Variants in BRIP1 observed in about 807,000 individuals in gnomAD.
BRIP1 encodes the protein BRCA1 interacting DNA helicase 1.
A neutral mutation model predicts 119.7 loss-of-function variants in BRIP1; 88 were observed. The ratio of observed to expected loss-of-function variants is 0.74; its 90% CI spans 0.62 to 0.88. BRIP1 has a LOEUF of 0.88. Among genes scored for constraint, BRIP1 ranks in the 40% least tolerant of loss-of-function variants. BRIP1 has a pLI of 0.00. For synonymous variants in BRIP1, 443 were observed against 496.5 expected (o/e 0.89, Z 1.43); for missense variants, 1,259 against 1,455.4 (o/e 0.87, Z 2.20).
intron 14 of BRIP1, among the ~76,000 whole-genome samples, chr17:61,771,848 G>A (rs2077452904): frequency 6.6e-6 from 1 of 151,986 alleles, no homozygotes; most frequent in South Asian, 2.1e-4. Context: ...TGTAATCCCA[G>A]CTACTCGGGA....
intron 14 of BRIP1, among the ~76,000 whole-genome samples, chr17:61,773,248 CAAACCTGACAAAAACA>C (rs2077485556): frequency 6.6e-6 from 1 of 151,874 alleles, no homozygotes; most frequent in Admixed American, 6.6e-5. Context: ...AACTAATTGA[CAAACCTGACAAAAACA>C]AAACCTGACA....
chr17:61,732,530 C>A (rs1190936549), intron 16 of BRIP1, among the ~76,000 whole-genome samples: 4 of 152,084 alleles, frequency 2.6e-5, no homozygotes, highest in Admixed American at 6.5e-5. Context: ...TCCACCAAAG[C>A]ATCTTGTTAT....
chr17:61,691,671 G>T lies in BRIP1; in HGVS notation c.2575+1759C>A, dbSNP rs1191410503. Among the ~76,000 whole-genome samples, 2 of 152,286 alleles carry T rather than the reference G, an allele frequency of 1.3e-5. No individual in the cohort carries two copies. The highest frequency in any genetic ancestry group is 3.9e-4 in the East Asian group (2 of 5,184). On this transcript the variant is annotated intron_variant, in intron 18 of 19. Coordinates refer to ENST00000259008, the MANE Select transcript of BRIP1 (RefSeq NM_032043.3). This position sits in a 1 kb window ranked among gnomAD's most constrained non-coding sequence, Gnocchi z 5.0. ...GGGTTTCACCATGTTGGCCAGGCTG[G>T]TCTCAAACTCCTGACCTCGTGATCC...
In BRIP1 at chr17:61,823,850, CG is replaced by C. The variant is rs1191557204; in HGVS notation, c.628-15094del. Among the ~76,000 whole-genome samples the C allele has an allele frequency of 2.0e-5, 3 of 150,116 alleles. No individual in the cohort carries two copies. In the East Asian group the frequency reaches 5.9e-4, roughly 30 times the overall value. ...AAAAATAGAATTTTTTTTTTTGAGA[CG>C]GAGTTTCGCAGTTGTTGCCCAAAGT... On this transcript the variant is annotated intron_variant, in intron 6 of 19. Transcript: ENST00000259008. The surrounding 1 kb of genome is among the most constrained non-coding windows in gnomAD (Gnocchi z 4.8).
In BRIP1 at chr17:61,793,573, T is replaced by A. The variant is rs747488176; in HGVS notation, c.1473+24A>T. On this transcript the variant is annotated intron_variant, in intron 10 of 19. Coordinates refer to ENST00000259008, the MANE Select transcript of BRIP1 (RefSeq NM_032043.3). This position sits in a 1 kb window ranked among gnomAD's most constrained non-coding sequence, Gnocchi z 5.2. ...TCACTTCTAATTCACTAAATACGTT[T>A]CACAGGTAGAAAAAATATCTTACCT... 60 of 1,591,566 alleles carry A rather than the reference T, an allele frequency of 3.8e-5. No individual in the cohort carries two copies. The highest frequency in any genetic ancestry group is 6.9e-5 in the Admixed American group (4 of 58,212).
At position 61,755,120 on chromosome 17, in the gene BRIP1, C is replaced by T. The variant is rs1299502817; in HGVS notation, c.2098-10529G>A. ...GATTGCCCAGTGCATAGAACAGTACCTTACATATAGAAAGTGGTCAGTAAA... is the reference window on the plus strand; with the variant it reads ...GATTGCCCAGTGCATAGAACAGTACTTTACATATAGAAAGTGGTCAGTAAA... On this transcript the variant is annotated intron_variant, in intron 14 of 19. Transcript: ENST00000259008. This position sits in a 1 kb window ranked among gnomAD's most constrained non-coding sequence, Gnocchi z 4.5. 6.6e-6 allele frequency among the ~76,000 whole-genome samples: 1 copy of T among 152,164 alleles called. No homozygotes were observed. The highest frequency in any genetic ancestry group is 1.5e-5 in the Non-Finnish European group (1 of 68,046).
In BRIP1 at chr17:61,744,731, A is replaced by T; in HGVS notation, c.2098-140T>A. ...TCATTTATAAAATGAGGAAAACAAT[A>T]TATCTCATAGAGCTGTTATGGGGTT... On this transcript the variant is annotated intron_variant, in intron 14 of 19. Transcript: ENST00000259008. The surrounding 1 kb of genome is among the most constrained non-coding windows in gnomAD (Gnocchi z 5.0). 1.3e-6 allele frequency: 1 copy of T among 794,080 alleles called. No homozygotes were observed. The highest frequency in any genetic ancestry group is 2.1e-6 in the Non-Finnish European group (1 of 479,398). 49.2% of individuals were successfully genotyped at this position (794,080 alleles called of 1,614,324 possible).
At chr17:61,694,181 T>C (rs2061490749) in intron 17 of BRIP1, among the ~76,000 whole-genome samples, 1 of 152,168 alleles carries the variant, frequency 6.6e-6, no homozygotes, top group African/African-American at 2.4e-5. Context: ...ATACCACTTA[T>C]CTATCCCAGA....
intron 10 of BRIP1, among the ~76,000 whole-genome samples, chr17:61,785,441 T>A (rs1011175982): frequency 6.6e-6 from 1 of 152,096 alleles, no homozygotes; most frequent in African/African-American, 2.4e-5. Context: ...AACTCTGATG[T>A]CTGACAATAA....
rs1000519951 is a variant in BRIP1 at position 61,806,013 on chromosome 17, A to G, written c.918+2454T>C. ...ACAGATAAGTGCATACTTTTCCAGT[A>G]TAAGGGCACTTTAGTAAAAGAAACA... On this transcript the variant is annotated intron_variant, in intron 7 of 19. Transcript: ENST00000259008. This position sits in a 1 kb window ranked among gnomAD's most constrained non-coding sequence, Gnocchi z 4.9. Among the ~76,000 whole-genome samples the G allele has an allele frequency of 2.0e-5, 3 of 152,270 alleles. No homozygotes were observed. Among genetic ancestry groups the G allele is most frequent in the South Asian group, 4.1e-4 (2 of 4,836 alleles).
Position 61,680,181 on chromosome 17 carries a change from T to TAAA in BRIP1, c.*3112_*3114dup, listed in dbSNP as rs35235448. 5.5e-5 allele frequency among the ~76,000 whole-genome samples: 7 copies of TAAA among 127,936 alleles called. No individual in the cohort carries two copies. The highest frequency in any genetic ancestry group is 1.2e-4 in the African/African-American group (4 of 34,494). The allele number at this position is 127,936 out of a possible 152,430, so 83.9% of individuals were successfully genotyped here. A position where few individuals can be genotyped will look rare whatever the true frequency, so the allele number is the denominator to read the frequency against. On this transcript the variant is annotated 3_prime_UTR_variant, in exon 20 of 20. Coordinates refer to ENST00000259008, the MANE Select transcript of BRIP1 (RefSeq NM_032043.3). The stretch of plus-strand genomic sequence containing the variant: ...AACATGGTGAAACCCTGTCGATACT[T>TAAA]AAAAAAAAAAAAAAAAAAAAATTAG...
At chr17:61,819,526 C>T (rs2078289643) in intron 6 of BRIP1, among the ~76,000 whole-genome samples, 1 of 152,126 alleles carries the variant, frequency 6.6e-6, no homozygotes, top group Admixed American at 6.5e-5. Context: ...GGCACATACA[C>T]AATGAAGTAC....
rs2145744130 is a variant in BRIP1 at position 61,847,183 on chromosome 17, T to C, written c.545A>G (p.Asn182Ser). 6.2e-7 allele frequency: 1 copy of C among 1,613,716 alleles called. No individual in the cohort carries two copies. The highest frequency in any genetic ancestry group is 8.5e-7 in the Non-Finnish European group (1 of 1,179,662). The change falls in exon 6 of 20, where the codon AAT becomes AGT. Residue 182 changes from asparagine (N) to serine (S), a missense_variant. Physicochemically the swap from Asn to Ser is conservative, Grantham distance 46. This residue lies in a region of BRIP1 where 501 missense variants were observed against 544.0 expected (regional missense o/e 0.92). Coordinates refer to ENST00000259008, the MANE Select transcript of BRIP1 (RefSeq NM_032043.3). The stretch of plus-strand genomic sequence containing the variant: ...TCCTGAATCAACTTTTGCATCCAAA[T>C]TGTGTACTTCTGTTCCAAAGCAATG... The part of the protein sequence containing the change: ...KRHCFGTEVH[N>S]LDAKVDSGKT...
In BRIP1 at chr17:61,798,021, C is replaced by T. The variant is rs904587504; in HGVS notation, c.1340+1079G>A. Among the ~76,000 whole-genome samples, 8 of 151,978 alleles carry T rather than the reference C, an allele frequency of 5.3e-5. No homozygotes were observed. The highest frequency in any genetic ancestry group is 1.0e-4 in the Non-Finnish European group (7 of 67,910). On this transcript the variant is annotated intron_variant, in intron 9 of 19. Transcript: ENST00000259008. This position sits in a 1 kb window ranked among gnomAD's most constrained non-coding sequence, Gnocchi z 5.5. ...GAAATTACAAATATGTCTATGCTTT[C>T]ACCCAACAATTCCACTTCTAAAAAG...
Position 61,686,229 on chromosome 17 carries a change from G to A in BRIP1, c.2576-64C>T, listed in dbSNP as rs1015882802. The A allele has an allele frequency of 7.2e-7, 1 of 1,394,842 alleles. No individual in the cohort carries two copies. Among genetic ancestry groups the A allele is most frequent in the Non-Finnish European group, 1.0e-6 (1 of 982,752 alleles). 86.4% of individuals were successfully genotyped at this position (1,394,842 alleles called of 1,614,324 possible). On this transcript the variant is annotated intron_variant, in intron 18 of 19. Transcript: ENST00000259008. This position sits in a 1 kb window ranked among gnomAD's most constrained non-coding sequence, Gnocchi z 5.4. Reference sequence around the variant, plus strand: ...TAGTTATTAAAATATTACATGCTAAGGTAATACACTTGCTTTTTCTAGTGA... The same window carrying A: ...TAGTTATTAAAATATTACATGCTAAAGTAATACACTTGCTTTTTCTAGTGA...
intron 14 of BRIP1, among the ~76,000 whole-genome samples, chr17:61,771,977 A>G (rs1298875897): frequency 6.6e-6 from 1 of 151,744 alleles, no homozygotes; most frequent in Non-Finnish European, 1.5e-5. Flanking sequence ...AAGAAGTTAC[A>G]TTTAGAATTA....
rs566849518 is a variant in BRIP1, at chr17:61,804,341, A to G, written c.919-2867T>C. On this transcript the variant is annotated intron_variant, in intron 7 of 19. Transcript: ENST00000259008. This position sits in a 1 kb window ranked among gnomAD's most constrained non-coding sequence, Gnocchi z 4.5. ...TTTTTCCTAGTTTGCTATCCTTAACAAAAAACAACCATACATAAAATATAT... is the reference window on the plus strand; with the variant it reads ...TTTTTCCTAGTTTGCTATCCTTAACGAAAAACAACCATACATAAAATATAT... Among the ~76,000 whole-genome samples, 16 of 152,284 alleles carry G rather than the reference A, an allele frequency of 1.1e-4. No homozygotes were observed. The South Asian group carries it at 3.3e-3, about 32-fold the overall frequency.
At position 61,710,482 on chromosome 17, in the gene BRIP1, A is replaced by G. The variant is rs1443899719; in HGVS notation, c.2492+5469T>C. Reference sequence around the variant, plus strand: ...GGTTTACTAAGGTATAAATAACTCTAGTTGGAGAAGTTTTAAAGGTCCTCA... The same window carrying G: ...GGTTTACTAAGGTATAAATAACTCTGGTTGGAGAAGTTTTAAAGGTCCTCA... On this transcript the variant is annotated intron_variant, in intron 17 of 19. Transcript: ENST00000259008. This position sits in a 1 kb window ranked among gnomAD's most constrained non-coding sequence, Gnocchi z 5.4. Among the ~76,000 whole-genome samples the G allele has an allele frequency of 6.6e-6, 1 of 152,238 alleles. No individual in the cohort carries two copies. Among genetic ancestry groups the G allele is most frequent in the Non-Finnish European group, 1.5e-5 (1 of 68,036 alleles).
intron 18 of BRIP1, among the ~76,000 whole-genome samples, chr17:61,688,287 C>T (rs148991177): frequency 6.6e-6 from 1 of 152,026 alleles, no homozygotes; most frequent in Non-Finnish European, 1.5e-5. Context: ...TTGAGACCAG[C>T]GTGGACAACA....
Sources: gnomAD v4.1 joint callset for allele counts (sites outside exome capture counted in the v4.1 genomes callset) on GRCh38, gnomAD v4.1.1 for gene constraint, gnomAD v4.1.1 regional missense constraint, Gnocchi (gnomAD v3.1) non-coding constraint, MANE v1.5 for transcripts, NCBI Gene and HGNC (gene_info 2026-07-23, HGNC 2026-07-21) for gene names.